DYSF: variants seen among roughly 807,000 people sequenced by gnomAD.
The protein encoded by DYSF is dystrophy-associated fer-1-like 1.
Under a neutral mutation model 274.9 loss-of-function variants are expected in DYSF, and 212 were observed. The observed-to-expected ratio is 0.77, with a 90% CI of 0.69 to 0.86. The LOEUF (loss-of-function observed/expected upper bound fraction) is 0.86, where lower values mean the gene tolerates loss of function less well. Ranked by LOEUF, DYSF falls within the 40% of genes least tolerant of loss-of-function variation. DYSF has a pLI of 0.00. For synonymous variants in DYSF, 1,091 were observed against 1,078.7 expected (o/e 1.01, Z -0.22); for missense variants, 2,666 against 2,783.2 (o/e 0.96, Z 0.95).
Position 71,671,210 on chromosome 2 carries a change from G to A in DYSF, c.5784+1464G>A, listed in dbSNP as rs535285086. On this transcript the variant is annotated intron_variant, in intron 51 of 55. Coordinates refer to ENST00000410020, the MANE Select transcript of DYSF (RefSeq NM_001130987.2). Reference sequence around the variant, plus strand: ...ACAGGGTTAAGTGGATCCCTTTACCGAGCCATTGCTGTGGAGTGACTGGCA... The same window carrying A: ...ACAGGGTTAAGTGGATCCCTTTACCAAGCCATTGCTGTGGAGTGACTGGCA... Among the ~76,000 whole-genome samples the A allele has an allele frequency of 5.9e-5, 9 of 152,276 alleles. No homozygotes were observed. The South Asian group carries it at 1.7e-3, about 28-fold the overall frequency.
At chr2:71,652,868 G>T (rs1016715716) in intron 42 of DYSF, among the ~76,000 whole-genome samples, 1 of 152,294 alleles carries the variant, frequency 6.6e-6, no homozygotes, top group African/African-American at 2.4e-5. Flanking sequence ...CACAAGTCAT[G>T]GGAAAGGGAG....
At chr2:71,479,352 G>A (rs1275320574) in intron 1 of DYSF, among the ~76,000 whole-genome samples, 4 of 151,740 alleles carry the variant, frequency 2.6e-5, no homozygotes, top group Non-Finnish European at 5.9e-5. Flanking sequence ...CATGGAAGAC[G>A]TGTCTCCAGA....
chr2:71,546,400 A>G (rs942629069), intron 17 of DYSF, among the ~76,000 whole-genome samples: 4 of 152,260 alleles, frequency 2.6e-5, no homozygotes, highest in Admixed American at 1.3e-4. Context: ...ATTTGGTTCA[A>G]CTAGCAGTTT....
At chr2:71,492,366 T>C (rs2152698659) in intron 3 of DYSF, among the ~76,000 whole-genome samples, 1 of 152,318 alleles carries the variant, frequency 6.6e-6, no homozygotes, top group African/African-American at 2.4e-5. Flanking sequence ...CTCCCCTGTA[T>C]GGCATGTGTC....
chr2:71,541,447 T>C (rs1459922330), intron 17 of DYSF, among the ~76,000 whole-genome samples: 1 of 152,178 alleles, frequency 6.6e-6, no homozygotes, highest in Non-Finnish European at 1.5e-5. Flanking sequence ...TTTTTATAAT[T>C]TGAATAATTC....
intron 17 of DYSF, 92 bp downstream of exon 17, chr2:71,539,331 A>G: frequency 8.8e-7 from 1 of 1,133,516 alleles, no homozygotes; most frequent in East Asian, 2.4e-5. Context: ...GAGAGTTTGC[A>G]GAAAAGGGGA....
chr2:71,491,285 TAGG>T (rs2152696809), intron 3 of DYSF, among the ~76,000 whole-genome samples: 1 of 152,346 alleles, frequency 6.6e-6, no homozygotes, highest in South Asian at 2.1e-4. Flanking sequence ...GGAATATTAT[TAGG>T]AATACTAACC....
At chr2:71,486,126 C>T (rs2083340152) in intron 3 of DYSF, among the ~76,000 whole-genome samples, 1 of 152,016 alleles carries the variant, frequency 6.6e-6, no homozygotes, top group South Asian at 2.1e-4. Flanking sequence ...CAGTGAGGGT[C>T]CCCGGAGTCA....
intron 3 of DYSF, among the ~76,000 whole-genome samples, chr2:71,489,073 C>T (rs933029315): frequency 2.0e-5 from 3 of 152,190 alleles, no homozygotes; most frequent in African/African-American, 7.2e-5. Context: ...ACTCTGTGGC[C>T]TTGGGCAGAT....
intron 4 of DYSF, 80 bp downstream of exon 4, chr2:71,503,399 C>G: frequency 2.1e-6 from 3 of 1,405,422 alleles, no homozygotes; most frequent in Non-Finnish European, 3.0e-6. Context: ...GCCATTCTGA[C>G]CCCAGACATG....
At position 71,667,611 on chromosome 2, in the gene DYSF, T is replaced by G. The variant is rs529381146; in HGVS notation, c.5457+96T>G. 5.7e-5 allele frequency: 88 copies of G among 1,553,484 alleles called. No homozygotes were observed. The African/African-American group carries it at 1.1e-3, about 20-fold the overall frequency. ...TATCCCAGAGGAGCCAGTGGGTCCC[T>G]TGAGATTTGGTCAATCCTTCCTTGA... On this transcript the variant is annotated intron_variant, in intron 48 of 55. Transcript: ENST00000410020.
chr2:71,610,190 G>A (rs2093724022), intron 36 of DYSF, among the ~76,000 whole-genome samples: 1 of 152,178 alleles, frequency 6.6e-6, no homozygotes. Context: ...TTCTGACATG[G>A]AAGTAAAGAG....
intron 23 of DYSF, among the ~76,000 whole-genome samples, chr2:71,562,983 C>G (rs1271188433): frequency 6.6e-6 from 1 of 152,138 alleles, no homozygotes; most frequent in Non-Finnish European, 1.5e-5. Flanking sequence ...ACTGTAAGGG[C>G]CCCGTGGAGA....
intron 49 of DYSF, 28 bp from the exon 50 acceptor site, chr2:71,669,084 G>C (rs1379392087): frequency 1.3e-6 from 2 of 1,552,584 alleles, no homozygotes; most frequent in Non-Finnish European, 1.8e-6. Context: ...AGGAAATCTA[G>C]GTGGATTAGA....
chr2:71,618,057 TG>T (rs2093952995), intron 40 of DYSF, among the ~76,000 whole-genome samples: 1 of 42,886 alleles, frequency 2.3e-5, no homozygotes, highest in Non-Finnish European at 4.5e-5. Context: ...TGTGTGTGTG[TG>T]GTAGAGATGG....
At chr2:71,637,080 TAGAA>T (rs201211669) in intron 41 of DYSF, among the ~76,000 whole-genome samples, 1,632 of 152,346 alleles carry the variant, frequency 0.011, 22 homozygotes, top group African/African-American at 0.038. Context: ...CAACTCTTTC[TAGAA>T]GTTTTTCTAT....
rs114501428 is a variant in DYSF at position 71,667,747 on chromosome 2, C to A, written c.5457+232C>A. 3.1e-3 allele frequency among the ~76,000 whole-genome samples: 465 copies of A among 152,280 alleles called. No individual in the cohort carries two copies. The highest frequency in any genetic ancestry group is 0.011 in the African/African-American group (454 of 41,568). ...TCAGGGCCTGCGAAACGAGGCTGAG[C>A]TTCTCCCCTCACCCCTGTAGGCCTG... On this transcript the variant is annotated intron_variant, in intron 48 of 55. Coordinates refer to ENST00000410020, the MANE Select transcript of DYSF (RefSeq NM_001130987.2).
chr2:71,514,489 G>T (rs2086448480), intron 7 of DYSF, among the ~76,000 whole-genome samples: 1 of 152,092 alleles, frequency 6.6e-6, no homozygotes, highest in Admixed American at 6.5e-5. Flanking sequence ...GCTCATCACA[G>T]AATAAAAGCT....
In DYSF at chr2:71,537,233, T is replaced by G. The variant is rs995867857; in HGVS notation, c.1493+1922T>G. On this transcript the variant is annotated intron_variant, in intron 16 of 55. Coordinates refer to ENST00000410020, the MANE Select transcript of DYSF (RefSeq NM_001130987.2). Reference sequence around the variant, plus strand: ...TTACTTTCTAGTTTTGTTTTTTTTTTTTTTTTTTTTTTTGCGGGGGGCGTG... The same window carrying G: ...TTACTTTCTAGTTTTGTTTTTTTTTGTTTTTTTTTTTTTGCGGGGGGCGTG... Among the ~76,000 whole-genome samples, 1,379 of 142,994 alleles carry G rather than the reference T, an allele frequency of 9.6e-3. 30 individuals are homozygous for G. The highest frequency in any genetic ancestry group is 0.035 in the African/African-American group (1,319 of 37,796). The allele number at this position is 142,994 out of a possible 152,430, so 93.8% of individuals were successfully genotyped here.
Sources: allele counts gnomAD v4.1 joint callset (sites outside exome capture counted in the v4.1 genomes callset), GRCh38; gene constraint gnomAD v4.1.1; transcripts MANE v1.5; gene names NCBI Gene and HGNC (gene_info 2026-07-23, HGNC 2026-07-21).